PIGN: variants seen among roughly 807,000 people sequenced by gnomAD.
The protein encoded by PIGN is phosphatidylinositol glycan anchor biosynthesis class N.
PIGN carries 117 observed loss-of-function variants against 125.4 expected under a neutral mutation model. The ratio of observed to expected loss-of-function variants is 0.93; its 90% confidence interval spans 0.80 to 1.09. The LOEUF is 1.09. PIGN is among the 50% of genes least tolerant of loss of function. PIGN has a pLI of 0.00. For missense variants in PIGN, 1,075 were observed against 1,094.9 expected (o/e 0.98, Z 0.26); for synonymous variants, 392 against 377.8 (o/e 1.04, Z -0.44).
At chr18:62,098,903 T>C (rs1199292136) in intron 22 of PIGN, among the ~76,000 whole-genome samples, 2 of 151,862 alleles carry the variant, frequency 1.3e-5, no homozygotes, top group East Asian at 3.9e-4. Flanking sequence ...ATAAGGACAA[T>C]AAATAAAATC....
chr18:62,155,116 T>A (rs1038158288), intron 6 of PIGN, among the ~76,000 whole-genome samples: 3 of 152,208 alleles, frequency 2.0e-5, no homozygotes, highest in Non-Finnish European at 2.9e-5. Context: ...TCATAAACTA[T>A]GAGTATTTTT....
chr18:62,119,105 A>AGAG (rs2035199642), intron 14 of PIGN, among the ~76,000 whole-genome samples: 1 of 152,160 alleles, frequency 6.6e-6, no homozygotes, highest in Non-Finnish European at 1.5e-5. Context: ...GAGACAAACC[A>AGAG]GAGATCAAAG....
chr18:62,171,014 A>C (rs1460543648), intron 1 of PIGN, among the ~76,000 whole-genome samples: 1 of 152,172 alleles, frequency 6.6e-6, no homozygotes, highest in Non-Finnish European at 1.5e-5. Flanking sequence ...GAAGCTGCAG[A>C]AGCGAAGTCA....
chr18:62,114,368 A>AAAG (rs1217275130), intron 15 of PIGN, among the ~76,000 whole-genome samples, 193 bp downstream of exon 15: 1 of 152,008 alleles, frequency 6.6e-6, no homozygotes, highest in Admixed American at 6.6e-5. Flanking sequence ...TCAAAAAAAA[A>AAAG]AAAAAAAATT....
chr18:62,122,446 A>G (rs528342203), intron 14 of PIGN, among the ~76,000 whole-genome samples: 2 of 152,270 alleles, frequency 1.3e-5, no homozygotes, highest in African/African-American at 4.8e-5. Context: ...GCAAATTTTT[A>G]TCAGTTCCCT....
intron 14 of PIGN, among the ~76,000 whole-genome samples, chr18:62,127,185 C>G (rs1263014288): frequency 6.6e-6 from 1 of 152,112 alleles, no homozygotes. Context: ...AGGTGCTCCT[C>G]AACTTAAGAT....
chr18:62,030,430 CG>C (rs1467195117), intron 23 of PIGN, among the ~76,000 whole-genome samples: 2 of 152,170 alleles, frequency 1.3e-5, no homozygotes, highest in Non-Finnish European at 2.9e-5. Flanking sequence ...AAAGGACAAC[CG>C]GGTTTATCAT....
intron 17 of PIGN, among the ~76,000 whole-genome samples, chr18:62,109,332 A>G (rs2146492807): frequency 6.6e-6 from 1 of 152,324 alleles, no homozygotes; most frequent in Middle Eastern, 3.4e-3. Context: ...TGTGAAAAAT[A>G]TAGACTAATC....
intron 30 of PIGN, chr18:62,070,594 A>ATGAAT: frequency 2.5e-6 from 1 of 396,824 alleles, no homozygotes; most frequent in Non-Finnish European, 4.4e-6. Context: ...AAAGTGATGA[A>ATGAAT]TGAATATTGA....
intron 16 of PIGN, among the ~76,000 whole-genome samples, chr18:62,111,889 G>C (rs1022570820): frequency 1.3e-5 from 2 of 152,096 alleles, no homozygotes; most frequent in Non-Finnish European, 2.9e-5. Flanking sequence ...TCAGATTAAC[G>C]AATAATGAAG....
At chr18:62,086,101 G>A (rs988483049) in intron 25 of PIGN, among the ~76,000 whole-genome samples, 5 of 152,126 alleles carry the variant, frequency 3.3e-5, no homozygotes, top group African/African-American at 1.2e-4. Context: ...ACAGAGATAG[G>A]CACTAAGAAT....
chr18:62,071,798 CT>C (rs1187124379), intron 30 of PIGN, among the ~76,000 whole-genome samples: 13 of 147,588 alleles, frequency 8.8e-5, no homozygotes, highest in Non-Finnish European at 1.9e-4. Flanking sequence ...CAATAAACAA[CT>C]GTTACCAGTA....
intron 30 of PIGN, among the ~76,000 whole-genome samples, chr18:62,051,315 T>G (rs1033966202): frequency 5.9e-5 from 9 of 152,254 alleles, no homozygotes; most frequent in African/African-American, 2.2e-4. Flanking sequence ...AATTTGGCTG[T>G]GAATCCATCT....
intron 14 of PIGN, among the ~76,000 whole-genome samples, chr18:62,133,101 T>C (rs2035800584): frequency 6.6e-6 from 1 of 152,224 alleles, no homozygotes; most frequent in Admixed American, 6.5e-5. Context: ...TATTCAATAC[T>C]TTATTATACA....
chr18:62,072,585 A>T (rs1419631198), intron 30 of PIGN, 88 bp downstream of exon 30: 8 of 992,160 alleles, frequency 8.1e-6, no homozygotes, highest in Non-Finnish European at 1.2e-5. Flanking sequence ...ATACTCTGTG[A>T]TGTTTGCACA....
At chr18:62,110,232 TG>T in intron 16 of PIGN, 1 of 324,004 alleles carries the variant, frequency 3.1e-6, no homozygotes, top group Non-Finnish European at 5.7e-6. Flanking sequence ...CCTTAAAGTT[TG>T]TTTGCAAGTA....
chr18:62,064,501 C>T (rs948687), intron 30 of PIGN, among the ~76,000 whole-genome samples: 88,534 of 152,026 alleles, frequency 0.58, 26,553 homozygotes, highest in East Asian at 0.78. Flanking sequence ...TTCTGAAAAA[C>T]GATCAATTTA....
chr18:62,088,693 T>A (rs1423992390), intron 25 of PIGN, 63 bp downstream of exon 25: 1 of 860,964 alleles, frequency 1.2e-6, no homozygotes, highest in African/African-American at 1.7e-5. Context: ...ACACCTTCCA[T>A]GTCTTCTTAC....
rs1171498113 is a variant in PIGN, at chr18:62,065,632, G to A, written c.2672+7041C>T. 5.3e-5 allele frequency among the ~76,000 whole-genome samples: 8 copies of A among 152,028 alleles called. No individual in the cohort carries two copies. In the East Asian group the frequency reaches 1.2e-3, roughly 22 times the overall value. On this transcript the variant is annotated intron_variant, in intron 30 of 30. Coordinates refer to ENST00000640252, the MANE Select transcript of PIGN (RefSeq NM_176787.5). ...TGGGCGCCTGTAGTCCCAGCTACTCGGGAGGCTGAGGCAGGAGAATGGTGT... is the reference window on the plus strand; with the variant it reads ...TGGGCGCCTGTAGTCCCAGCTACTCAGGAGGCTGAGGCAGGAGAATGGTGT...
Sources: allele counts gnomAD v4.1 joint callset (sites outside exome capture counted in the v4.1 genomes callset), GRCh38; gene constraint gnomAD v4.1.1; transcripts MANE v1.5; gene names NCBI Gene and HGNC (gene_info 2026-07-23, HGNC 2026-07-21).